The following GALNT9 variants were observed in gnomAD, a reference collection of about 807,000 sequenced individuals.
The protein encoded by GALNT9 is GalNAc transferase 9.
GALNT9 carries 47 observed loss-of-function variants against 63.1 expected under a neutral mutation model. That is an observed-to-expected ratio of 0.75 (90% CI 0.59 to 0.95). The LOEUF is 0.95. Among genes scored for constraint, GALNT9 ranks in the 40% least tolerant of loss-of-function variants. The pLI is 0.00. For missense variants in GALNT9, 829 were observed against 874.8 expected (o/e 0.95, Z 0.66); for synonymous variants, 396 against 365.7 (o/e 1.08, Z -0.94).
At chr12:132,201,379 C>T (rs1055025069) in intron 7 of GALNT9, 118 bp from the exon 8 acceptor site, 17 of 654,056 alleles carry the variant, frequency 2.6e-5, no homozygotes, top group East Asian at 2.7e-5. Context: ...GCCTCCCCCC[C>T]AGTATTCAGA....
intron 1 of GALNT9, among the ~76,000 whole-genome samples, chr12:132,295,965 G>A (rs1231598027): frequency 7.3e-6 from 1 of 136,668 alleles, no homozygotes; most frequent in Non-Finnish European, 1.6e-5. Context: ...GACGGCCTCC[G>A]GAACAGGGAG....
In GALNT9 at chr12:132,197,307, C is replaced by T; in HGVS notation, c.1666-54G>A. 6 of 1,590,246 alleles carry T rather than the reference C, an allele frequency of 3.8e-6. No homozygotes were observed. In the South Asian group the frequency reaches 5.6e-5, roughly 15 times the overall value. ...AGGTGCAGGCGTCCTTGTTCCCCCT[C>T]CCCCCACCTCAGGGAGGCTGCTTCG... On this transcript the variant is annotated intron_variant, in intron 10 of 10. Coordinates refer to ENST00000328957, the MANE Select transcript of GALNT9 (RefSeq NM_001122636.2).
chr12:132,221,880 CA>C (rs1212275371), intron 6 of GALNT9, among the ~76,000 whole-genome samples: 3 of 152,094 alleles, frequency 2.0e-5, no homozygotes, highest in African/African-American at 7.2e-5. Context: ...AAAGGTTTCT[CA>C]GGTTCACATG....
chr12:132,301,745 A>G (rs1555243856), intron 1 of GALNT9, among the ~76,000 whole-genome samples: 1 of 152,258 alleles, frequency 6.6e-6, no homozygotes, highest in Admixed American at 6.5e-5. Context: ...CATGCCCTGC[A>G]CAACCTTCAT....
rs782526313 is a variant in GALNT9 at position 132,257,837 on chromosome 12, G to A, written c.811C>T (p.Leu271=). 3.5e-5 allele frequency: 54 copies of A among 1,549,636 alleles called. No homozygotes were observed. Among genetic ancestry groups the A allele is most frequent in the Non-Finnish European group, 2.6e-6 (3 of 1,146,782 alleles). ...TACTTGATGTTGTCGATGGCTGGCAGCACGATGCGACGCCGGTCCTCTCGG... is the reference window on the plus strand; with the variant it reads ...TACTTGATGTTGTCGATGGCTGGCAACACGATGCGACGCCGGTCCTCTCGG... ...RIREDRRRIV[L]PAIDNIKYST... is the part of the protein sequence containing the mutation. Residue 271 remains leucine, a synonymous_variant, in exon 5 of 11, where the codon CTG becomes TTG. Transcript: ENST00000328957.
At chr12:132,312,430 C>G (rs1250439512) in intron 1 of GALNT9, among the ~76,000 whole-genome samples, 2 of 152,190 alleles carry the variant, frequency 1.3e-5, no homozygotes, top group Admixed American at 6.5e-5. Context: ...GGTTTAAGGG[C>G]GGCTGGGAGC....
At chr12:132,201,820 C>T (rs1593462768) in intron 7 of GALNT9, among the ~76,000 whole-genome samples, 1 of 152,218 alleles carries the variant, frequency 6.6e-6, no homozygotes. Context: ...CGTCTCTTCC[C>T]TCTGCTGACT....
chr12:132,263,189 C>T (rs1255375613), intron 2 of GALNT9, among the ~76,000 whole-genome samples: 1 of 152,216 alleles, frequency 6.6e-6, no homozygotes, highest in African/African-American at 2.4e-5. Flanking sequence ...CGCCCTGGCT[C>T]ATAGCTGGTT....
chr12:132,301,094 A>G (rs1435963133), intron 1 of GALNT9, among the ~76,000 whole-genome samples: 2 of 152,248 alleles, frequency 1.3e-5, no homozygotes, highest in Non-Finnish European at 2.9e-5. Context: ...CATGTAACTG[A>G]TGAGACTCCT....
intron 1 of GALNT9, among the ~76,000 whole-genome samples, chr12:132,300,052 C>T (rs1241447332): frequency 1.4e-5 from 2 of 144,082 alleles, no homozygotes; most frequent in Non-Finnish European, 1.5e-5. Flanking sequence ...TCCCACCACA[C>T]CTAACCCATC....
chr12:132,217,942 C>T (rs1195893203), intron 6 of GALNT9, among the ~76,000 whole-genome samples: 1 of 150,804 alleles, frequency 6.6e-6, no homozygotes, highest in Non-Finnish European at 1.5e-5. Flanking sequence ...CATCCACCCA[C>T]CCACTCACCA....
chr12:132,320,857 C>A (rs1392604701), intron 1 of GALNT9, among the ~76,000 whole-genome samples: 2 of 152,222 alleles, frequency 1.3e-5, no homozygotes, highest in Non-Finnish European at 2.9e-5. Context: ...GCCCACAGGG[C>A]CCCCCGAGGC....
intron 6 of GALNT9, chr12:132,206,093 G>C (rs1307514834): frequency 6.6e-6 from 1 of 152,540 alleles, no homozygotes; most frequent in Non-Finnish European, 1.5e-5. Context: ...CCAGTACAGA[G>C]GCCACGGTGA....
At chr12:132,305,374 C>T (rs368535552) in intron 1 of GALNT9, among the ~76,000 whole-genome samples, 7 of 33,172 alleles carry the variant, frequency 2.1e-4, no homozygotes, top group Non-Finnish European at 2.8e-4. Context: ...CCCGGGCACA[C>T]CCTCACCCGG....
Position 132,221,658 on chromosome 12 carries a change from CAAA to C in GALNT9, c.1078-17971_1078-17969del, listed in dbSNP as rs761220333. On this transcript the variant is annotated intron_variant, in intron 6 of 10. Coordinates refer to ENST00000328957, the MANE Select transcript of GALNT9 (RefSeq NM_001122636.2). ...CCTGGGTGACAGAGTGAGACGTTCTCAAAAAAAAAAAAAAAAAAAAGCAAGCAA... is the reference window on the plus strand; with the variant it reads ...CCTGGGTGACAGAGTGAGACGTTCTCAAAAAAAAAAAAAAAAAGCAAGCAA... Among the ~76,000 whole-genome samples the C allele has an allele frequency of 2.2e-3, 173 of 79,634 alleles. 1 individual carries two copies. The highest frequency in any genetic ancestry group is 6.9e-3 in the African/African-American group (133 of 19,280). 52.2% of individuals were successfully genotyped at this position (79,634 alleles called of 152,430 possible).
intron 5 of GALNT9, among the ~76,000 whole-genome samples, chr12:132,256,719 A>C (rs1183060805): frequency 1.3e-5 from 2 of 151,466 alleles, no homozygotes; most frequent in African/African-American, 2.4e-5. Context: ...TCGGGCCTTC[A>C]GAAGGAGCTG....
intron 1 of GALNT9, among the ~76,000 whole-genome samples, chr12:132,303,117 AG>A (rs1881370342): frequency 6.6e-6 from 1 of 151,994 alleles, no homozygotes; most frequent in Non-Finnish European, 1.5e-5. Flanking sequence ...TTTCAGGACT[AG>A]CCGTCCCCAT....
At chr12:132,288,618 A>C (rs1880691625) in intron 1 of GALNT9, among the ~76,000 whole-genome samples, 1 of 152,200 alleles carries the variant, frequency 6.6e-6, no homozygotes, top group Non-Finnish European at 1.5e-5. Context: ...TGGCTGCCTG[A>C]TGCCCAGCGT....
intron 6 of GALNT9, among the ~76,000 whole-genome samples, chr12:132,222,302 G>A (rs1877480991): frequency 6.6e-6 from 1 of 152,128 alleles, no homozygotes; most frequent in African/African-American, 2.4e-5. Context: ...ACCAGGCCAG[G>A]CGCAGTGGCT....
Sources: allele counts gnomAD v4.1 joint callset (sites outside exome capture counted in the v4.1 genomes callset), GRCh38; gene constraint gnomAD v4.1.1; transcripts MANE v1.5; gene names NCBI Gene and HGNC (gene_info 2026-07-23, HGNC 2026-07-21).